ATP2B2: variants seen among roughly 807,000 people sequenced by gnomAD.
The protein encoded by ATP2B2 is plasma membrane calcium-transporting ATPase 2.
ATP2B2 carries 15 observed loss-of-function variants against 120.0 expected under a neutral mutation model. The ratio of observed to expected loss-of-function variants is 0.12; its 90% CI spans 0.08 to 0.19. The LOEUF (loss-of-function observed/expected upper bound fraction) is 0.19, where lower values mean the gene tolerates loss of function less well. ATP2B2 is among the 10% of genes least tolerant of loss of function. The pLI is 1.00. For missense variants in ATP2B2, 1,045 were observed against 1,719.8 expected (o/e 0.61, Z 6.94); for synonymous variants, 694 against 700.3 (o/e 0.99, Z 0.14).
At chr3:10,695,251 G>GGAGAGAGAGAGAGAGAGAGA (rs140200422) in intron 1 of ATP2B2, among the ~76,000 whole-genome samples, 2 of 126,908 alleles carry the variant, frequency 1.6e-5, no homozygotes, top group Admixed American at 1.6e-4. Flanking sequence ...AGGGAGGGAG[G>GGAGAGAGAGAGAGAGAGAGA]GAGAGAGAGA....
At chr3:10,388,205 G>A (rs756489194) in intron 6 of ATP2B2, 72 bp downstream of exon 6, 177 of 1,606,720 alleles carry the variant, frequency 1.1e-4, no homozygotes, top group Non-Finnish European at 1.4e-4. Flanking sequence ...ATTTTGTTGA[G>A]TGAACAAATA....
chr3:10,458,327 T>C (rs974633924), intron 1 of ATP2B2, among the ~76,000 whole-genome samples: 7 of 152,148 alleles, frequency 4.6e-5, no homozygotes, highest in African/African-American at 9.6e-5. Flanking sequence ...CTCAACCCCA[T>C]GGTCAGGATG....
At chr3:10,501,971 GCCC>G (rs931907744) in intron 1 of ATP2B2, among the ~76,000 whole-genome samples, 4 of 152,174 alleles carry the variant, frequency 2.6e-5, no homozygotes, top group Admixed American at 2.0e-4. Flanking sequence ...CCAGAAATCT[GCCC>G]CCATCAGGTG....
chr3:10,552,126 C>T (rs562105551), intron 2 of ATP2B2, among the ~76,000 whole-genome samples: 1 of 152,216 alleles, frequency 6.6e-6, no homozygotes, highest in Admixed American at 6.5e-5. Context: ...TTTCTGCAGC[C>T]GGAGAGGGAA....
chr3:10,598,356 C>T (rs1017095417), intron 2 of ATP2B2, among the ~76,000 whole-genome samples: 2 of 152,188 alleles, frequency 1.3e-5, no homozygotes, highest in Non-Finnish European at 2.9e-5. Context: ...CCTCAGTTTA[C>T]TCACCTGTGA....
intron 22 of ATP2B2, among the ~76,000 whole-genome samples, chr3:10,337,758 AC>A (rs1447204486): frequency 2.0e-5 from 3 of 151,886 alleles, no homozygotes; most frequent in African/African-American, 7.3e-5. Context: ...CCTGACCACC[AC>A]GCCCTGGGGG....
intron 1 of ATP2B2, among the ~76,000 whole-genome samples, chr3:10,669,434 C>T (rs1041660865): frequency 2.6e-5 from 4 of 152,184 alleles, no homozygotes; most frequent in Admixed American, 2.6e-4. Flanking sequence ...CTCCTTTCTC[C>T]TCACCTCCCA....
intron 3 of ATP2B2, among the ~76,000 whole-genome samples, chr3:10,527,706 A>G (rs945408836): frequency 6.6e-6 from 1 of 152,188 alleles, no homozygotes; most frequent in Non-Finnish European, 1.5e-5. Flanking sequence ...CAACCAGTCC[A>G]GGGCTGTGGG....
chr3:10,488,205 C>CCACT (rs2065775092), intron 1 of ATP2B2, among the ~76,000 whole-genome samples: 1 of 149,522 alleles, frequency 6.7e-6, no homozygotes, highest in Admixed American at 6.6e-5. Context: ...ACCCATCTAT[C>CCACT]CATCCATCCA....
chr3:10,560,844 C>A (rs574702361), intron 2 of ATP2B2, among the ~76,000 whole-genome samples: 18 of 152,296 alleles, frequency 1.2e-4, no homozygotes, highest in African/African-American at 4.1e-4. Context: ...CTCTCCCCAG[C>A]CCCTCACAGC....
chr3:10,334,347 T>C (rs1258720273), intron 22 of ATP2B2, among the ~76,000 whole-genome samples: 3 of 152,134 alleles, frequency 2.0e-5, no homozygotes, highest in African/African-American at 7.2e-5. Context: ...TTCTTCCCCA[T>C]GTAGCTCTCC....
chr3:10,349,738 T>C (rs2060524185), intron 16 of ATP2B2, among the ~76,000 whole-genome samples: 1 of 151,984 alleles, frequency 6.6e-6, no homozygotes, highest in South Asian at 2.1e-4. Context: ...AAGGACTATG[T>C]CAAAGGTGAG....
intron 1 of ATP2B2, among the ~76,000 whole-genome samples, chr3:10,671,976 G>C (rs1013190703): frequency 4.6e-5 from 7 of 152,248 alleles, no homozygotes; most frequent in Non-Finnish European, 1.0e-4. Flanking sequence ...ACTGTGGGCA[G>C]AGGGTCCTGA....
At chr3:10,607,429 A>G (rs1575551128) in intron 2 of ATP2B2, among the ~76,000 whole-genome samples, 1 of 152,322 alleles carries the variant, frequency 6.6e-6, no homozygotes, top group East Asian at 1.9e-4. Flanking sequence ...TTCCAAAGCC[A>G]GGCAGAGTCC....
intron 1 of ATP2B2, among the ~76,000 whole-genome samples, chr3:10,662,940 T>C (rs1272188957): frequency 6.6e-6 from 1 of 151,868 alleles, no homozygotes; most frequent in Non-Finnish European, 1.5e-5. Context: ...ATGTCCTTTG[T>C]AGGGACATGG....
intron 3 of ATP2B2, among the ~76,000 whole-genome samples, chr3:10,527,472 G>C (rs1419859374): frequency 1.3e-5 from 2 of 152,162 alleles, no homozygotes; most frequent in African/African-American, 4.8e-5. Context: ...CCTCTGGAGG[G>C]AGCACTCCTA....
intron 1 of ATP2B2, among the ~76,000 whole-genome samples, chr3:10,496,612 T>C (rs1399535399): frequency 6.8e-6 from 1 of 147,748 alleles, no homozygotes; most frequent in African/African-American, 2.5e-5. Context: ...TGCTTGCTCC[T>C]AGTGAGTCCA....
intron 1 of ATP2B2, among the ~76,000 whole-genome samples, chr3:10,664,319 T>A (rs576980759): frequency 1.3e-5 from 2 of 152,242 alleles, no homozygotes; most frequent in South Asian, 4.2e-4. Context: ...TGAGAGGATT[T>A]GGTTTATCCT....
chr3:10,340,217 C>T lies in ATP2B2; in HGVS notation c.3237+25G>A, dbSNP rs1342410541. ...TCTCCCTTGCCCTGCTAACAGGCAC[C>T]TCCTGCGACCTACCAGGAACTTACC... is the stretch of plus-strand genomic sequence containing the variant. On this transcript the variant is annotated intron_variant, in intron 21 of 22. Coordinates refer to ENST00000360273, the MANE Select transcript of ATP2B2 (RefSeq NM_001001331.4). This position sits in a 1 kb window ranked among gnomAD's most constrained non-coding sequence, Gnocchi z 5.0. The T allele has an allele frequency of 6.2e-7, 1 of 1,608,438 alleles. No homozygotes were observed. Among genetic ancestry groups the T allele is most frequent in the Non-Finnish European group, 8.5e-7 (1 of 1,175,592 alleles).
Sources: allele counts gnomAD v4.1 joint callset (sites outside exome capture counted in the v4.1 genomes callset), GRCh38; gene constraint gnomAD v4.1.1; non-coding constraint Gnocchi (gnomAD v3.1); transcripts MANE v1.5; gene names NCBI Gene and HGNC (gene_info 2026-07-23, HGNC 2026-07-21).